The following CNR2 variants were observed in gnomAD, a reference collection of about 807,000 sequenced individuals.
CNR2 encodes the protein cannabinoid receptor 2, also known as cannabinoid receptor 2 (macrophage).
For synonymous variants in CNR2, 172 were observed against 182.2 expected, an observed-to-expected ratio of 0.94 and a Z score of 0.45; for missense variants, 379 against 439.9, an observed-to-expected ratio of 0.86 and a Z score of 1.24.
intron 1 of CNR2, among the ~76,000 whole-genome samples, chr1:23,876,432 A>G (rs1414073013): frequency 6.6e-6 from 1 of 151,638 alleles, no homozygotes; most frequent in East Asian, 1.9e-4. Flanking sequence ...CGAACTCCTG[A>G]TCTGAGGTGA....
intron 1 of CNR2, among the ~76,000 whole-genome samples, chr1:23,894,041 G>C (rs1178881954): frequency 1.3e-5 from 2 of 151,630 alleles, no homozygotes; most frequent in East Asian, 3.9e-4. Context: ...GATTGCTGGA[G>C]CCCAGGAGAG....
chr1:23,899,133 A>C (rs1640338597), intron 1 of CNR2, among the ~76,000 whole-genome samples: 1 of 152,118 alleles, frequency 6.6e-6, no homozygotes, highest in Non-Finnish European at 1.5e-5. Flanking sequence ...CTGCCCTTGG[A>C]GATAGACTGT....
At chr1:23,912,084 C>T (rs1231688951) in intron 1 of CNR2, among the ~76,000 whole-genome samples, 1 of 152,202 alleles carries the variant, frequency 6.6e-6, no homozygotes, top group Non-Finnish European at 1.5e-5. Flanking sequence ...GTGCCCGCAT[C>T]AGACAGTTGA....
rs1260213161 is a variant in CNR2, at chr1:23,872,744, C to G, written c.*1791G>C. On this transcript the variant is annotated 3_prime_UTR_variant, in exon 2 of 2. Transcript: ENST00000374472. The stretch of plus-strand genomic sequence containing the variant: ...TAAGGCATTTAAAAACACTTAGCCC[C>G]CTGCCTGGCACATAGTAAAGGCTCA... 1.3e-5 allele frequency: 2 copies of G among 152,166 alleles called. No individual in the cohort carries two copies. Among genetic ancestry groups the G allele is most frequent in the African/African-American group, 4.8e-5 (2 of 41,430 alleles). 9.4% of individuals were successfully genotyped at this position (152,166 alleles called of 1,614,324 possible). A position where few individuals can be genotyped will look rare whatever the true frequency, so the allele number is the denominator to read the frequency against.
intron 1 of CNR2, chr1:23,901,919 C>G: frequency 6.2e-7 from 1 of 1,603,728 alleles, no homozygotes; most frequent in Non-Finnish European, 8.5e-7. Context: ...TAGGTGGCAC[C>G]TCTGCGGGGT....
At chr1:23,898,343 T>TCAA (rs1557531644) in intron 1 of CNR2, among the ~76,000 whole-genome samples, 1 of 111,206 alleles carries the variant, frequency 9.0e-6, no homozygotes, top group Non-Finnish European at 1.8e-5. Flanking sequence ...GGCTTTTTTT[T>TCAA]TTTTTTTTTT....
intron 1 of CNR2, among the ~76,000 whole-genome samples, chr1:23,903,252 A>T (rs1173652819): frequency 5.3e-5 from 8 of 152,144 alleles, no homozygotes; most frequent in African/African-American, 1.7e-4. Context: ...ACATGCCAGC[A>T]TCCTCAAGGA....
intron 1 of CNR2, among the ~76,000 whole-genome samples, chr1:23,879,474 G>A (rs569644765): frequency 7.2e-5 from 11 of 152,220 alleles, no homozygotes; most frequent in South Asian, 2.1e-4. Flanking sequence ...TTAGCCAGGC[G>A]TGGTGACATA....
intron 1 of CNR2, among the ~76,000 whole-genome samples, chr1:23,886,614 T>C (rs556841077): frequency 6.6e-6 from 1 of 152,374 alleles, no homozygotes; most frequent in East Asian, 1.9e-4. Flanking sequence ...AGCCATATCT[T>C]GACTGCAGGG....
intron 1 of CNR2, among the ~76,000 whole-genome samples, chr1:23,881,612 G>A (rs1055911629): frequency 2.4e-4 from 36 of 150,426 alleles, no homozygotes; most frequent in African/African-American, 6.4e-4. Flanking sequence ...TTGCTAGGCC[G>A]GGCATGGTGG....
chr1:23,902,704 T>G, intron 1 of CNR2: 1 of 1,591,418 alleles, frequency 6.3e-7, no homozygotes, highest in East Asian at 2.2e-5. Context: ...AGCTCGTTGT[T>G]GAACATGAGC....
At chr1:23,902,879 G>A (rs1021921715) in intron 1 of CNR2, 91 of 1,159,876 alleles carry the variant, frequency 7.8e-5, no homozygotes, top group Non-Finnish European at 9.0e-5. Context: ...TAGGACCGCG[G>A]CCGCGGCGCT....
intron 1 of CNR2, among the ~76,000 whole-genome samples, chr1:23,876,266 G>T (rs1486253195): frequency 6.6e-6 from 1 of 151,742 alleles, no homozygotes; most frequent in African/African-American, 2.4e-5. Flanking sequence ...GAGTGCAGTG[G>T]TGTGATCTCG....
chr1:23,904,170 G>A (rs1483790324), intron 1 of CNR2, among the ~76,000 whole-genome samples: 1 of 148,838 alleles, frequency 6.7e-6, no homozygotes, highest in Non-Finnish European at 1.5e-5. Flanking sequence ...TTTTTTGTTC[G>A]TTTCATTGTT....
chr1:23,897,102 T>C (rs769827742), intron 1 of CNR2, among the ~76,000 whole-genome samples: 21 of 152,128 alleles, frequency 1.4e-4, no homozygotes, highest in Non-Finnish European at 2.9e-4. Flanking sequence ...TTTGAACTCC[T>C]GACCTCAGGT....
intron 1 of CNR2, among the ~76,000 whole-genome samples, chr1:23,879,481 C>T (rs1639941854): frequency 1.3e-5 from 2 of 152,116 alleles, no homozygotes; most frequent in Admixed American, 1.3e-4. Flanking sequence ...GGCGTGGTGA[C>T]ATATGCCTGT....
At chr1:23,899,949 AAAGAAAG>A (rs1640367563) in intron 1 of CNR2, among the ~76,000 whole-genome samples, 1 of 5,962 alleles carries the variant, frequency 1.7e-4, no homozygotes. Context: ...AAGGAAAGAG[AAAGAAAG>A]GAAAGAAAGA....
chr1:23,875,244 A>AGGAGGCTACCCAC lies in CNR2; in HGVS notation c.361_373dup (p.Leu125ArgfsTer3). The AGGAGGCTACCCAC allele has an allele frequency of 6.2e-7, 1 of 1,614,192 alleles. No individual in the cohort carries two copies. Reference sequence around the variant, plus strand: ...GAGGTATCGGTCAATGGCGGTCAGCAGGAGGCTACCCACAGAGGCTGTGAA... The same window carrying AGGAGGCTACCCAC: ...GAGGTATCGGTCAATGGCGGTCAGCAGGAGGCTACCCACGGAGGCTACCCACAGAGGCTGTGAA... On this transcript the variant is annotated stop_gained and frameshift_variant, in exon 2 of 2. Transcript: ENST00000374472. LOFTEE classifies it high-confidence loss of function.
At chr1:23,905,190 C>CTTTT (rs1199647705) in intron 1 of CNR2, among the ~76,000 whole-genome samples, 8,977 of 143,116 alleles carry the variant, frequency 0.063, 948 homozygotes, top group African/African-American at 0.22. Flanking sequence ...TCTTTTCTTT[C>CTTTT]TTTTTTTTTT....
Sources: gnomAD v4.1 joint callset for allele counts (sites outside exome capture counted in the v4.1 genomes callset) on GRCh38, gnomAD v4.1.1 for gene constraint, MANE v1.5 for transcripts, NCBI Gene and HGNC (gene_info 2026-07-23, HGNC 2026-07-21) for gene names.